LTBP1: variants seen among roughly 807,000 people sequenced by gnomAD.
LTBP1 encodes latent-transforming growth factor beta-binding protein 1.
Under a neutral mutation model 207.6 loss-of-function variants are expected in LTBP1, and 129 were observed. The observed-to-expected ratio is 0.62, with a 90% CI of 0.54 to 0.72. LTBP1 has a LOEUF of 0.72. Among genes scored for constraint, LTBP1 ranks in the 30% least tolerant of loss-of-function variants. LTBP1 has a pLI of 0.00. For synonymous variants in LTBP1, 963 were observed against 833.7 expected (o/e 1.16, Z -2.67); for missense variants, 2,281 against 2,217.2 (o/e 1.03, Z -0.58).
At chr2:33,321,230 G>A (rs982714171) in intron 24 of LTBP1, among the ~76,000 whole-genome samples, 4 of 152,142 alleles carry the variant, frequency 2.6e-5, no homozygotes, top group Non-Finnish European at 5.9e-5. Flanking sequence ...TATACCCAAA[G>A]TATTCAGGAA....
rs73925702 is a variant in LTBP1 at position 33,354,491 on chromosome 2, T to C, written c.4001-6106T>C. 8.3e-3 allele frequency among the ~76,000 whole-genome samples: 1,263 copies of C among 152,226 alleles called. 22 individuals are homozygous for C. The highest frequency in any genetic ancestry group is 0.029 in the African/African-American group (1,188 of 41,512). ...CGTTCATTTGTTTAAAAAAAAAATA[T>C]CTAGTCAAGTTTCTTCCCACATCCA... On this transcript the variant is annotated intron_variant, in intron 26 of 33. Transcript: ENST00000404816.
At chr2:33,036,115 A>AT (rs1327535792) in intron 3 of LTBP1, among the ~76,000 whole-genome samples, 1 of 152,182 alleles carries the variant, frequency 6.6e-6, no homozygotes, top group Non-Finnish European at 1.5e-5. Context: ...TGTTTTTGAC[A>AT]TTCTTCTGTA....
At chr2:33,073,350 G>A (rs2077903178) in intron 3 of LTBP1, among the ~76,000 whole-genome samples, 1 of 149,496 alleles carries the variant, frequency 6.7e-6, no homozygotes, top group Admixed American at 6.7e-5. Flanking sequence ...AAAGGACTCT[G>A]TGCTTTGATA....
At chr2:33,219,584 C>G (rs946611349) in intron 8 of LTBP1, among the ~76,000 whole-genome samples, 1 of 151,886 alleles carries the variant, frequency 6.6e-6, no homozygotes, top group African/African-American at 2.4e-5. Flanking sequence ...GTCTGTCTGT[C>G]TGTAGGAATA....
At chr2:33,341,729 A>AAAAAATATATATAT (rs745445793) in intron 24 of LTBP1, among the ~76,000 whole-genome samples, 50 of 93,614 alleles carry the variant, frequency 5.3e-4, no homozygotes, top group South Asian at 1.6e-3. Context: ...AAAAAAAAAA[A>AAAAAATATATATAT]ATATATATAT....
At chr2:33,324,211 A>G (rs2094395669) in intron 24 of LTBP1, among the ~76,000 whole-genome samples, 1 of 151,974 alleles carries the variant, frequency 6.6e-6, no homozygotes, top group Non-Finnish European at 1.5e-5. Context: ...TACAAATATT[A>G]TAGTATTTTG....
intron 19 of LTBP1, among the ~76,000 whole-genome samples, chr2:33,282,452 T>A (rs1159522096): frequency 2.7e-5 from 4 of 147,780 alleles, no homozygotes; most frequent in Non-Finnish European, 6.1e-5. Flanking sequence ...TCCATCTTAA[T>A]TTTTTATAGT....
At chr2:33,325,798 A>G (rs905189705) in intron 24 of LTBP1, among the ~76,000 whole-genome samples, 3 of 152,146 alleles carry the variant, frequency 2.0e-5, no homozygotes, top group Non-Finnish European at 4.4e-5. Context: ...CTTTTTTGAC[A>G]TTGTTCCTTA....
chr2:33,183,377 T>C (rs1388567408), intron 5 of LTBP1, among the ~76,000 whole-genome samples: 2 of 152,242 alleles, frequency 1.3e-5, no homozygotes, highest in African/African-American at 2.4e-5. Context: ...GTTCCTGAAC[T>C]GAATACCAGA....
intron 19 of LTBP1, among the ~76,000 whole-genome samples, chr2:33,289,436 T>C (rs2093730711): frequency 6.6e-6 from 1 of 152,216 alleles, no homozygotes; most frequent in African/African-American, 2.4e-5. Flanking sequence ...CACAGCTCAC[T>C]GCAGTCTCTA....
At chr2:32,970,663 T>C (rs1278998999) in intron 2 of LTBP1, among the ~76,000 whole-genome samples, 1 of 152,192 alleles carries the variant, frequency 6.6e-6, no homozygotes, top group Non-Finnish European at 1.5e-5. Flanking sequence ...ACTGTAGCCT[T>C]GTAGTGTAGT....
At chr2:33,145,386 A>C (rs1377994267) in intron 5 of LTBP1, among the ~76,000 whole-genome samples, 1 of 152,198 alleles carries the variant, frequency 6.6e-6, no homozygotes, top group Non-Finnish European at 1.5e-5. Context: ...AAGTTTTCCT[A>C]GTGTAGAGAT....
At chr2:33,335,174 GAA>G (rs201701995) in intron 24 of LTBP1, among the ~76,000 whole-genome samples, 6 of 118,034 alleles carry the variant, frequency 5.1e-5, no homozygotes, top group Admixed American at 8.7e-5. Context: ...CCATGCTGGG[GAA>G]AAAAAAAAAA....
intron 22 of LTBP1, 85 bp downstream of exon 22, chr2:33,301,729 C>A: frequency 1.6e-6 from 2 of 1,240,078 alleles, no homozygotes; most frequent in Non-Finnish European, 2.2e-6. Context: ...ATCTTTGAAC[C>A]TCATCTCTTG....
chr2:33,270,365 G>A (rs936837986), intron 15 of LTBP1, among the ~76,000 whole-genome samples: 5 of 151,910 alleles, frequency 3.3e-5, no homozygotes, highest in South Asian at 2.1e-4. Context: ...TGATGTGGGT[G>A]GATCGCAAGG....
At chr2:32,985,402 A>C (rs1319366092) in intron 2 of LTBP1, among the ~76,000 whole-genome samples, 1 of 152,164 alleles carries the variant, frequency 6.6e-6, no homozygotes, top group Admixed American at 6.5e-5. Flanking sequence ...TGAGGTTTAG[A>C]GAGGATAAAT....
At chr2:33,194,456 G>A (rs951099431) in intron 7 of LTBP1, among the ~76,000 whole-genome samples, 12 of 152,196 alleles carry the variant, frequency 7.9e-5, no homozygotes, top group Admixed American at 4.6e-4. Flanking sequence ...GTACATGAAT[G>A]ATAAGAAAGT....
intron 20 of LTBP1, among the ~76,000 whole-genome samples, chr2:33,299,167 G>A (rs762089972): frequency 4.0e-5 from 6 of 151,850 alleles, no homozygotes; most frequent in East Asian, 1.9e-4. Flanking sequence ...GCTTGAACCC[G>A]GGAGACGGAG....
intron 3 of LTBP1, among the ~76,000 whole-genome samples, chr2:33,087,197 C>G (rs2078816377): frequency 6.7e-6 from 1 of 150,242 alleles, no homozygotes; most frequent in Non-Finnish European, 1.5e-5. Context: ...ACCTCAGCCT[C>G]ACGAGTATCT....
Sources: allele counts gnomAD v4.1 joint callset (sites outside exome capture counted in the v4.1 genomes callset), GRCh38; gene constraint gnomAD v4.1.1; transcripts MANE v1.5; gene names NCBI Gene and HGNC (gene_info 2026-07-23, HGNC 2026-07-21).